Variants in KCNH1 observed in about 807,000 individuals in gnomAD.
KCNH1 encodes the protein voltage-gated delayed rectifier potassium channel KCNH1.
In KCNH1, 27 loss-of-function variants were observed where a neutral mutation model predicts 69.2. The observed-to-expected ratio is 0.39, with a 90% CI of 0.29 to 0.54. The LOEUF is 0.54. Ranked by LOEUF, KCNH1 falls within the 20% of genes least tolerant of loss-of-function variation. The pLI, the probability that KCNH1 is intolerant of heterozygous loss-of-function variation, is 0.68. For missense variants in KCNH1, 798 were observed against 1,261.6 expected (o/e 0.63, Z 5.57); for synonymous variants, 456 against 487.7 (o/e 0.93, Z 0.86).
intron 10 of KCNH1, among the ~76,000 whole-genome samples, chr1:210,758,096 C>T (rs1443994604): frequency 6.6e-6 from 1 of 152,238 alleles, no homozygotes. Context: ...ACCACACTCC[C>T]CACAGCTTCT....
chr1:211,070,808 C>A (rs1345369439), intron 5 of KCNH1, among the ~76,000 whole-genome samples: 1 of 141,328 alleles, frequency 7.1e-6, no homozygotes. Flanking sequence ...GGGGACAGAG[C>A]GAGACTCCAT....
At chr1:211,070,430 AAC>A (rs57063242) in intron 5 of KCNH1, among the ~76,000 whole-genome samples, 50,530 of 136,792 alleles carry the variant, frequency 0.37, 9,876 homozygotes, top group Non-Finnish European at 0.44. Flanking sequence ...AAAAAAAAAA[AAC>A]ACACACACAC....
At chr1:210,794,483 T>C (rs1558472216) in intron 9 of KCNH1, among the ~76,000 whole-genome samples, 2 of 152,238 alleles carry the variant, frequency 1.3e-5, no homozygotes, top group African/African-American at 4.8e-5. Context: ...AGAGGCCCTC[T>C]AGATTTAGAG....
At chr1:211,050,017 A>C (rs183503656) in intron 5 of KCNH1, among the ~76,000 whole-genome samples, 2 of 152,196 alleles carry the variant, frequency 1.3e-5, no homozygotes, top group East Asian at 3.9e-4. Flanking sequence ...CTGGTCATTT[A>C]AGGACACAAG....
At chr1:211,076,613 A>G (rs1462124589) in intron 5 of KCNH1, among the ~76,000 whole-genome samples, 3 of 152,248 alleles carry the variant, frequency 2.0e-5, no homozygotes, top group African/African-American at 7.2e-5. Flanking sequence ...GACCACCAAC[A>G]TCAAAGACCA....
At chr1:211,123,481 T>C (rs1021084417) in intron 1 of KCNH1, among the ~76,000 whole-genome samples, 4 of 151,832 alleles carry the variant, frequency 2.6e-5, no homozygotes, top group African/African-American at 4.8e-5. Flanking sequence ...TGGGCAGATA[T>C]GGATAGGTGG....
At chr1:210,959,310 G>A (rs535410375) in intron 6 of KCNH1, among the ~76,000 whole-genome samples, 6 of 152,210 alleles carry the variant, frequency 3.9e-5, no homozygotes, top group East Asian at 3.9e-4. Flanking sequence ...AGGGGCACCC[G>A]CCTATATGAG....
intron 7 of KCNH1, among the ~76,000 whole-genome samples, chr1:210,874,638 T>C (rs941604378): frequency 9.9e-5 from 15 of 152,204 alleles, no homozygotes; most frequent in African/African-American, 3.4e-4. Context: ...CTGAATACTG[T>C]GCAGAACCAT....
At chr1:210,873,345 A>T (rs1028478483) in intron 7 of KCNH1, among the ~76,000 whole-genome samples, 2 of 152,090 alleles carry the variant, frequency 1.3e-5, no homozygotes, top group Admixed American at 6.6e-5. Flanking sequence ...TTATATTTCT[A>T]AATCTTTATT....
rs139514627 is a variant in KCNH1 at position 210,705,932 on chromosome 1, A to G, written c.2113-21794T>C. Among the ~76,000 whole-genome samples, 184 of 152,346 alleles carry G rather than the reference A, an allele frequency of 1.2e-3. 1 individual carries two copies. Among genetic ancestry groups the G allele is most frequent in the African/African-American group, 4.1e-3 (172 of 41,586 alleles). ...TAATCATAATCAGCAGCAGCACTGA[A>G]TGCTAAGAGCCAGGTGATATTTGCA... On this transcript the variant is annotated intron_variant, in intron 10 of 10. Coordinates refer to ENST00000271751, the MANE Select transcript of KCNH1 (RefSeq NM_172362.3).
chr1:211,023,078 T>C (rs892511474), intron 5 of KCNH1, among the ~76,000 whole-genome samples: 2 of 151,218 alleles, frequency 1.3e-5, no homozygotes, highest in African/African-American at 2.4e-5. Flanking sequence ...GCCACTGCAC[T>C]CCAGCCTGGG....
chr1:210,902,377 C>A (rs1024750926), intron 7 of KCNH1, among the ~76,000 whole-genome samples: 1 of 152,236 alleles, frequency 6.6e-6, no homozygotes, highest in African/African-American at 2.4e-5. Flanking sequence ...CTGCTGCTGA[C>A]CATGGTCTCT....
intron 6 of KCNH1, among the ~76,000 whole-genome samples, chr1:210,929,094 G>T (rs1380397847): frequency 1.3e-5 from 2 of 152,132 alleles, no homozygotes; most frequent in Admixed American, 1.3e-4. Flanking sequence ...AATTCTATCA[G>T]ATATTCAGAG....
intron 10 of KCNH1, among the ~76,000 whole-genome samples, chr1:210,736,224 T>C (rs1682875322): frequency 6.6e-6 from 1 of 152,112 alleles, no homozygotes; most frequent in South Asian, 2.1e-4. Flanking sequence ...CACTATTTTA[T>C]CTCCTTTTTA....
At chr1:210,943,253 C>T (rs1344009418) in intron 6 of KCNH1, among the ~76,000 whole-genome samples, 1 of 152,090 alleles carries the variant, frequency 6.6e-6, no homozygotes, top group African/African-American at 2.4e-5. Flanking sequence ...TACTATTTTC[C>T]CCCACTCACT....
At chr1:210,865,192 C>A (rs1477633295) in intron 7 of KCNH1, among the ~76,000 whole-genome samples, 2 of 152,206 alleles carry the variant, frequency 1.3e-5, no homozygotes, top group Non-Finnish European at 2.9e-5. Context: ...ATTTGTCAAG[C>A]TAAACATATG....
intron 4 of KCNH1, among the ~76,000 whole-genome samples, chr1:211,087,768 G>C (rs2102471017): frequency 6.6e-6 from 1 of 152,208 alleles, no homozygotes; most frequent in South Asian, 2.1e-4. Context: ...ACTGTCAAAA[G>C]ACAGAGAGCA....
chr1:210,748,573 T>C (rs1016327773), intron 10 of KCNH1, among the ~76,000 whole-genome samples: 9 of 152,172 alleles, frequency 5.9e-5, no homozygotes, highest in African/African-American at 2.2e-4. Flanking sequence ...TACATAATCA[T>C]AATAATAACT....
intron 6 of KCNH1, among the ~76,000 whole-genome samples, chr1:210,968,534 T>G (rs1239632921): frequency 1.4e-5 from 2 of 148,114 alleles, no homozygotes; most frequent in East Asian, 4.0e-4. Flanking sequence ...CACCTGTTGT[T>G]TCCTGACTTT....
Sources: allele counts gnomAD v4.1 joint callset (sites outside exome capture counted in the v4.1 genomes callset), GRCh38; gene constraint gnomAD v4.1.1; transcripts MANE v1.5; gene names NCBI Gene and HGNC (gene_info 2026-07-23, HGNC 2026-07-21).